The following FAM135B variants were observed in gnomAD, a reference collection of about 807,000 sequenced individuals.
FAM135B encodes the protein protein FAM135B.
In FAM135B, 43 loss-of-function variants were observed where a neutral mutation model predicts 127.7. The observed-to-expected ratio is 0.34, with a 90% CI of 0.26 to 0.43. The LOEUF is 0.43. FAM135B is among the 20% of genes least tolerant of loss of function. The pLI is 1.00. For missense variants in FAM135B, 1,558 were observed against 1,725.6 expected, an observed-to-expected ratio of 0.90 and a Z score of 1.72; for synonymous variants, 670 against 665.1, an observed-to-expected ratio of 1.01 and a Z score of -0.11.
chr8:138,153,611 G>A (rs1324805668), intron 12 of FAM135B, among the ~76,000 whole-genome samples: 1 of 152,212 alleles, frequency 6.6e-6, no homozygotes, highest in Non-Finnish European at 1.5e-5. Context: ...TTCCAACTGT[G>A]TTAGCAAACG....
At chr8:138,320,133 C>A (rs1043234687) in intron 2 of FAM135B, among the ~76,000 whole-genome samples, 6 of 152,180 alleles carry the variant, frequency 3.9e-5, no homozygotes, top group African/African-American at 1.4e-4. Context: ...TTCTAACCTG[C>A]AGAATTCTAA....
chr8:138,257,724 G>A (rs1199859677), intron 4 of FAM135B, among the ~76,000 whole-genome samples: 1 of 152,118 alleles, frequency 6.6e-6, no homozygotes, highest in Non-Finnish European at 1.5e-5. Context: ...TGGAGGCAGT[G>A]TTACAACCTG....
rs1293429376 is a variant in FAM135B at position 138,139,112 on chromosome 8, C to A, written c.3791-16G>T. 2 of 1,548,472 alleles carry A rather than the reference C, an allele frequency of 1.3e-6. No individual in the cohort carries two copies. The highest frequency in any genetic ancestry group is 2.2e-5 in the East Asian group (1 of 44,506). ...AGCCATAAGCCTAGGAAGACAAAAA[C>A]AAAATAAAAATCAAAAACACAAAAC... On this transcript the variant is annotated splice_polypyrimidine_tract_variant and intron_variant, in intron 17 of 19. Transcript: ENST00000395297.
At chr8:138,344,463 G>A (rs12547720) in intron 2 of FAM135B, among the ~76,000 whole-genome samples, 82,257 of 151,770 alleles carry the variant, frequency 0.54, 23,520 homozygotes, top group Non-Finnish European at 0.65. Context: ...TCCCACCTGC[G>A]CTTGGCTATT....
intron 1 of FAM135B, among the ~76,000 whole-genome samples, chr8:138,453,212 T>C (rs1344595469): frequency 6.6e-6 from 1 of 152,132 alleles, no homozygotes; most frequent in Non-Finnish European, 1.5e-5. Flanking sequence ...TGTAACATCA[T>C]TGCCTACTAT....
intron 9 of FAM135B, among the ~76,000 whole-genome samples, chr8:138,180,577 T>TA (rs1157906802): frequency 2.6e-5 from 4 of 152,178 alleles, no homozygotes; most frequent in African/African-American, 9.7e-5. Context: ...CTGCTATTCT[T>TA]AGACTGAAGA....
intron 3 of FAM135B, among the ~76,000 whole-genome samples, chr8:138,271,846 C>A (rs1823400876): frequency 6.6e-6 from 1 of 152,120 alleles, no homozygotes; most frequent in Non-Finnish European, 1.5e-5. Flanking sequence ...CTGAGATTTA[C>A]TGGTCTAAAT....
intron 1 of FAM135B, among the ~76,000 whole-genome samples, chr8:138,400,885 T>C (rs1194982421): frequency 1.3e-5 from 2 of 152,214 alleles, no homozygotes. Flanking sequence ...TGCAAGACTA[T>C]ATGCAATTTA....
chr8:138,385,727 G>C (rs1832160759), intron 1 of FAM135B, among the ~76,000 whole-genome samples: 1 of 151,408 alleles, frequency 6.6e-6, no homozygotes, highest in Admixed American at 6.6e-5. Context: ...CAGGAGAATT[G>C]CTTGAACCCA....
Position 138,241,367 on chromosome 8 carries a change from C to T in FAM135B, c.669+1575G>A, listed in dbSNP as rs1354955147. Among the ~76,000 whole-genome samples the T allele has an allele frequency of 6.6e-6, 1 of 152,202 alleles. No homozygotes were observed. Among genetic ancestry groups the T allele is most frequent in the Non-Finnish European group, 1.5e-5 (1 of 68,040 alleles). ...CTACCCTGGAACTGGTCTTATTTGG[C>T]TCTAAAATCTGCTCCTTCCATGGCA... On this transcript the variant is annotated intron_variant, in intron 7 of 19. Coordinates refer to ENST00000395297, the MANE Select transcript of FAM135B (RefSeq NM_015912.4). This position sits in a 1 kb window ranked among gnomAD's most constrained non-coding sequence, Gnocchi z 4.8.
chr8:138,171,344 T>G (rs1820421694), intron 11 of FAM135B, among the ~76,000 whole-genome samples: 1 of 152,156 alleles, frequency 6.6e-6, no homozygotes, highest in Non-Finnish European at 1.5e-5. Flanking sequence ...AGATCACAGT[T>G]AGGAAACACC....
chr8:138,193,486 C>T (rs914962070), intron 9 of FAM135B, among the ~76,000 whole-genome samples: 1 of 152,204 alleles, frequency 6.6e-6, no homozygotes. Context: ...ATCAGCTCTT[C>T]AGCCTGATCT....
intron 1 of FAM135B, among the ~76,000 whole-genome samples, chr8:138,473,869 T>G (rs1307629876): frequency 6.6e-6 from 1 of 152,088 alleles, no homozygotes; most frequent in African/African-American, 2.4e-5. Context: ...CAATCATAAT[T>G]TTATTGTTTT....
At chr8:138,157,630 A>G (rs1302168556) in intron 12 of FAM135B, among the ~76,000 whole-genome samples, 1 of 152,214 alleles carries the variant, frequency 6.6e-6, no homozygotes, top group Non-Finnish European at 1.5e-5. Flanking sequence ...TGCAAAAATC[A>G]CAAACATTCC....
chr8:138,487,904 C>T (rs975478118), intron 1 of FAM135B, among the ~76,000 whole-genome samples: 3 of 151,654 alleles, frequency 2.0e-5, no homozygotes, highest in East Asian at 1.9e-4. Context: ...CTGGGGAGGC[C>T]GAGGCAGGAG....
chr8:138,188,742 G>A (rs1048333889), intron 9 of FAM135B, among the ~76,000 whole-genome samples: 2 of 152,116 alleles, frequency 1.3e-5, no homozygotes, highest in Non-Finnish European at 2.9e-5. Context: ...CTCACGCCTT[G>A]CTGCTTCCAG....
chr8:138,258,811 A>ACACACACACAC, intron 4 of FAM135B, among the ~76,000 whole-genome samples: 1 of 84,300 alleles, frequency 1.2e-5, no homozygotes, highest in East Asian at 4.8e-4. Flanking sequence ...CACCACACAC[A>ACACACACACAC]CACACACACA....
chr8:138,141,167 T>G lies in FAM135B; in HGVS notation c.3790+31A>C. The G allele has an allele frequency of 6.2e-7, 1 of 1,611,162 alleles. No homozygotes were observed. The highest frequency in any genetic ancestry group is 1.1e-5 in the South Asian group (1 of 90,724). ...CGCCCCAGAGGCCCCAGATTAATTC[T>G]GAGGAATGACGAGTCCTAGAAGAAT... On this transcript the variant is annotated intron_variant, in intron 17 of 19. Coordinates refer to ENST00000395297, the MANE Select transcript of FAM135B (RefSeq NM_015912.4). The surrounding 1 kb of genome is among the most constrained non-coding windows in gnomAD (Gnocchi z 4.7).
At chr8:138,455,732 T>C (rs1482091244) in intron 1 of FAM135B, among the ~76,000 whole-genome samples, 1 of 152,100 alleles carries the variant, frequency 6.6e-6, no homozygotes, top group Non-Finnish European at 1.5e-5. Flanking sequence ...GATGGGTGAA[T>C]AAACGGATGG....
Sources: allele counts gnomAD v4.1 joint callset (sites outside exome capture counted in the v4.1 genomes callset), GRCh38; gene constraint gnomAD v4.1.1; non-coding constraint Gnocchi (gnomAD v3.1); transcripts MANE v1.5; gene names NCBI Gene and HGNC (gene_info 2026-07-23, HGNC 2026-07-21).